CLDN14: variants seen among roughly 807,000 people sequenced by gnomAD.
CLDN14 encodes the protein claudin-14.
Under a neutral mutation model 2.1 loss-of-function variants are expected in CLDN14, and 2 were observed. The observed-to-expected ratio is 0.96, with a 90% CI of 0.39 to 3.01. CLDN14 has a LOEUF of 3.01. Among genes scored for constraint, CLDN14 ranks in the 30% most tolerant of loss-of-function variants. CLDN14 has a pLI of 0.09. For synonymous variants in CLDN14, 136 were observed against 154.4 expected (o/e 0.88, Z 0.88); for missense variants, 298 against 328.0 (o/e 0.91, Z 0.71).
chr21:36,509,514 T>A (rs2146483350), intron 2 of CLDN14, among the ~76,000 whole-genome samples: 1 of 152,208 alleles, frequency 6.6e-6, no homozygotes, highest in Non-Finnish European at 1.5e-5. Context: ...GAGTCCCTGT[T>A]GAGAGGGAGT....
chr21:36,482,365 GACT>G (rs1222862973), upstream of CLDN14, among the ~76,000 whole-genome samples: 91 of 138,588 alleles, frequency 6.6e-4, no homozygotes, highest in African/African-American at 2.2e-3. Context: ...TGGATGGATA[GACT>G]GACGGATGGA....
intron 2 of CLDN14, among the ~76,000 whole-genome samples, chr21:36,495,778 G>A (rs970143022): frequency 2.6e-5 from 4 of 152,178 alleles, no homozygotes; most frequent in African/African-American, 9.7e-5. Flanking sequence ...TTGGAAGTAG[G>A]GCTGTAGGTG....
chr21:36,469,595 A>AT (rs1568844532), intron 1 of CLDN14, among the ~76,000 whole-genome samples: 1 of 152,194 alleles, frequency 6.6e-6, no homozygotes, highest in Non-Finnish European at 1.5e-5. Flanking sequence ...ATAAAAATCT[A>AT]TTTTTTTATA....
chr21:36,516,716 T>A (rs544168332), intron 1 of CLDN14, among the ~76,000 whole-genome samples: 3 of 152,390 alleles, frequency 2.0e-5, no homozygotes, highest in Non-Finnish European at 2.9e-5. Flanking sequence ...GTTAAATGAA[T>A]GCTCCTTGAA....
intron 2 of CLDN14, among the ~76,000 whole-genome samples, chr21:36,500,386 T>C (rs1207807324): frequency 6.6e-6 from 1 of 152,216 alleles, no homozygotes; most frequent in African/African-American, 2.4e-5. Context: ...CCACAGGGTC[T>C]GGAGGATAAT....
At chr21:36,507,222 G>A (rs2087141538) in intron 2 of CLDN14, among the ~76,000 whole-genome samples, 1 of 151,954 alleles carries the variant, frequency 6.6e-6, no homozygotes. Flanking sequence ...TTGCCCTTAA[G>A]CTCAAGGGAC....
chr21:36,560,035 G>C (rs977217830), intron 1 of CLDN14, among the ~76,000 whole-genome samples: 1 of 152,192 alleles, frequency 6.6e-6, no homozygotes, highest in Non-Finnish European at 1.5e-5. Flanking sequence ...AAAGTCACAA[G>C]TGTTTGACTT....
chr21:36,550,376 C>G (rs1357713277), intron 1 of CLDN14, among the ~76,000 whole-genome samples: 1 of 152,120 alleles, frequency 6.6e-6, no homozygotes, highest in Non-Finnish European at 1.5e-5. Context: ...CCCCAAAAGT[C>G]GAATAAGCTC....
At chr21:36,477,082 G>A (rs965009318) in intron 1 of CLDN14, among the ~76,000 whole-genome samples, 2 of 152,224 alleles carry the variant, frequency 1.3e-5, no homozygotes, top group African/African-American at 4.8e-5. Context: ...GCAGAACCCA[G>A]TGCAAAATGA....
Position 36,499,196 on chromosome 21 carries a change from G to A in CLDN14, c.-82+11167C>T, listed in dbSNP as rs916580054. ...GGGGCAATGAACCCCGCAACTGCGG[G>A]AAACTGACCTTCAGCACTTTGATGT... On this transcript the variant is annotated intron_variant, in intron 2 of 2. Transcript: ENST00000342108. The surrounding 1 kb of genome is among the most constrained non-coding windows in gnomAD (Gnocchi z 4.7). Among the ~76,000 whole-genome samples the A allele has an allele frequency of 1.3e-5, 2 of 152,216 alleles. No homozygotes were observed. Among genetic ancestry groups the A allele is most frequent in the Non-Finnish European group, 2.9e-5 (2 of 68,046 alleles).
intron 1 of CLDN14, among the ~76,000 whole-genome samples, chr21:36,527,793 T>C (rs934814758): frequency 7.2e-5 from 11 of 152,098 alleles, no homozygotes; most frequent in African/African-American, 2.2e-4. Flanking sequence ...CTAATTTCTT[T>C]CTTTTTTTTT....
intron 1 of CLDN14, among the ~76,000 whole-genome samples, chr21:36,464,210 G>T (rs1400483536): frequency 6.6e-6 from 1 of 152,148 alleles, no homozygotes; most frequent in Non-Finnish European, 1.5e-5. Flanking sequence ...TGTCATGCCT[G>T]CTTCCCCTTT....
At chr21:36,553,891 T>C (rs539222197) in intron 1 of CLDN14, among the ~76,000 whole-genome samples, 1 of 152,256 alleles carries the variant, frequency 6.6e-6, no homozygotes, top group East Asian at 1.9e-4. Context: ...GTTGACTCTG[T>C]TTAGCCACCG....
intron 1 of CLDN14, among the ~76,000 whole-genome samples, chr21:36,576,249 T>G (rs2087740746): frequency 6.6e-6 from 1 of 152,180 alleles, no homozygotes; most frequent in Admixed American, 6.5e-5. Flanking sequence ...TTCTCTCTCT[T>G]TCCTTACTTC....
At chr21:36,490,780 C>T (rs967415148) in intron 2 of CLDN14, among the ~76,000 whole-genome samples, 1 of 152,136 alleles carries the variant, frequency 6.6e-6, no homozygotes, top group African/African-American at 2.4e-5. Context: ...AGAGATCCTC[C>T]CACCTGGGCC....
chr21:36,568,848 C>G (rs2087690141), intron 1 of CLDN14, among the ~76,000 whole-genome samples: 1 of 152,248 alleles, frequency 6.6e-6, no homozygotes, highest in Non-Finnish European at 1.5e-5. Context: ...TGCCACTGAA[C>G]AGGCCATTTG....
intron 1 of CLDN14, among the ~76,000 whole-genome samples, chr21:36,567,663 C>T (rs1214506192): frequency 6.6e-6 from 1 of 152,150 alleles, no homozygotes; most frequent in Non-Finnish European, 1.5e-5. Flanking sequence ...GGGTTGCTCT[C>T]GTCTCTAGAC....
chr21:36,472,226 C>T (rs908171718), intron 1 of CLDN14, among the ~76,000 whole-genome samples: 8 of 151,998 alleles, frequency 5.3e-5, no homozygotes, highest in African/African-American at 1.7e-4. Context: ...GCCAGGAGGC[C>T]GAGCCAAGGT....
chr21:36,525,493 GT>G (rs921647802), intron 1 of CLDN14, among the ~76,000 whole-genome samples: 2 of 152,156 alleles, frequency 1.3e-5, no homozygotes, highest in African/African-American at 4.8e-5. Flanking sequence ...GATGATGGGG[GT>G]TGGAGGATGG....
Sources: gnomAD v4.1 joint callset for allele counts (sites outside exome capture counted in the v4.1 genomes callset) on GRCh38, gnomAD v4.1.1 for gene constraint, Gnocchi (gnomAD v3.1) non-coding constraint, MANE v1.5 for transcripts, NCBI Gene and HGNC (gene_info 2026-07-23, HGNC 2026-07-21) for gene names.